The following PLAAT3 variants were observed in gnomAD, a reference collection of about 807,000 sequenced individuals.
PLAAT3 encodes phospholipase A and acyltransferase 3.
Under a neutral mutation model 16.7 loss-of-function variants are expected in PLAAT3, and 21 were observed. That is an observed-to-expected ratio of 1.26 (90% confidence interval 0.89 to 1.81). PLAAT3 has a LOEUF of 1.81. Ranked by LOEUF, PLAAT3 falls within the 40% of genes most tolerant of loss-of-function variation. PLAAT3 has a pLI of 0.00. For synonymous variants in PLAAT3, 76 were observed against 81.7 expected (o/e 0.93, Z 0.38); for missense variants, 219 against 213.7 (o/e 1.02, Z -0.16).
At chr11:63,576,276 A>C (rs2017658880) in intron 4 of PLAAT3, among the ~76,000 whole-genome samples, 1 of 152,134 alleles carries the variant, frequency 6.6e-6, no homozygotes, top group Admixed American at 6.5e-5. Context: ...ATCCAGTAGC[A>C]AACCCCCACT....
chr11:63,613,885 G>A (rs2134438601), intron 2 of PLAAT3, 115 bp downstream of exon 2: 4 of 690,658 alleles, frequency 5.8e-6, no homozygotes, highest in Non-Finnish European at 1.0e-5. Flanking sequence ...AGAGGTGCGG[G>A]CCCCACATCC....
At chr11:63,606,445 CA>C (rs1938564579) in intron 2 of PLAAT3, among the ~76,000 whole-genome samples, 4 of 151,886 alleles carry the variant, frequency 2.6e-5, no homozygotes, top group Non-Finnish European at 4.4e-5. Context: ...CACACACACA[CA>C]CACACACACA....
intron 4 of PLAAT3, among the ~76,000 whole-genome samples, chr11:63,586,866 T>C (rs1315015735): frequency 6.6e-6 from 1 of 152,222 alleles, no homozygotes; most frequent in Non-Finnish European, 1.5e-5. Context: ...GGCAGATCAC[T>C]TGCAGTCAGG....
intron 3 of PLAAT3, among the ~76,000 whole-genome samples, chr11:63,591,650 T>G (rs1938156323): frequency 6.6e-6 from 1 of 152,224 alleles, no homozygotes; most frequent in Admixed American, 6.5e-5. Flanking sequence ...CAATAAACCT[T>G]TTCAGCCTGC....
At chr11:63,612,746 ATT>A (rs891483160) in intron 2 of PLAAT3, among the ~76,000 whole-genome samples, 1 of 151,790 alleles carries the variant, frequency 6.6e-6, no homozygotes, top group Non-Finnish European at 1.5e-5. Flanking sequence ...CTACTAATCC[ATT>A]TTTTTTCCTG....
intron 2 of PLAAT3, among the ~76,000 whole-genome samples, chr11:63,606,658 A>G (rs1349607591): frequency 6.6e-6 from 1 of 152,124 alleles, no homozygotes; most frequent in East Asian, 1.9e-4. Flanking sequence ...GCCGGAGATG[A>G]GCCTTGCAGA....
rs550105416 is a variant in PLAAT3 at position 63,607,009 on chromosome 11, G to A, written c.15+6991C>T. On this transcript the variant is annotated intron_variant, in intron 2 of 4. Transcript: ENST00000415826. ...CAAGGAGGAGGCGGGAGCCTGCTAG[G>A]AGGCAACTGCAGAGAGGGGGGATCT... Among the ~76,000 whole-genome samples the A allele has an allele frequency of 1.5e-3, 223 of 152,272 alleles. 1 individual carries two copies. Among genetic ancestry groups the A allele is most frequent in the Non-Finnish European group, 2.8e-3 (192 of 68,016 alleles).
chr11:63,578,077 G>C (rs1263152536), intron 4 of PLAAT3, among the ~76,000 whole-genome samples: 3 of 152,162 alleles, frequency 2.0e-5, no homozygotes, highest in African/African-American at 7.2e-5. Flanking sequence ...GAGCTCAGGA[G>C]TTCGAGACCA....
At chr11:63,597,978 G>C (rs2134417848) in intron 3 of PLAAT3, 83 bp downstream of exon 3, 1 of 886,594 alleles carries the variant, frequency 1.1e-6, no homozygotes, top group East Asian at 2.4e-5. Flanking sequence ...AGAATGTTGG[G>C]GTCACCTGTT....
At chr11:63,580,302 G>T (rs1323355386) in intron 4 of PLAAT3, among the ~76,000 whole-genome samples, 2 of 152,186 alleles carry the variant, frequency 1.3e-5, no homozygotes, top group Non-Finnish European at 1.5e-5. Context: ...CATGCTACAT[G>T]GCAAGTGAGA....
chr11:63,615,166 A>ATG (rs1565259795), upstream of PLAAT3, among the ~76,000 whole-genome samples: 2 of 35,522 alleles, frequency 5.6e-5, no homozygotes, highest in Admixed American at 2.5e-4. Flanking sequence ...ATGTGTATAT[A>ATG]TGTGTGTATA....
At chr11:63,589,681 G>A (rs1297370567) in intron 4 of PLAAT3, among the ~76,000 whole-genome samples, 1 of 152,154 alleles carries the variant, frequency 6.6e-6, no homozygotes, top group African/African-American at 2.4e-5. Context: ...GGAAAAGACA[G>A]GTACCAGGTC....
At position 63,598,052 on chromosome 11, in the gene PLAAT3, T is replaced by C. The variant is rs1938336667; in HGVS notation, c.118+9A>G. 6.3e-7 allele frequency: 1 copy of C among 1,585,424 alleles called. No homozygotes were observed. The highest frequency in any genetic ancestry group is 8.7e-7 in the Non-Finnish European group (1 of 1,153,846). On this transcript the variant is annotated intron_variant, in intron 3 of 4. Transcript: ENST00000415826. ...GGCCCATCACAGTGGAGGTCCCATG[T>C]GTTCTTACTTGGAGGGGCCAGATGA...
At chr11:63,577,386 G>A (rs1001380263) in intron 4 of PLAAT3, among the ~76,000 whole-genome samples, 1 of 152,126 alleles carries the variant, frequency 6.6e-6, no homozygotes, top group African/African-American at 2.4e-5. Flanking sequence ...TGGCCAGGCT[G>A]CTCTCGAACT....
chr11:63,575,469 G>A (rs201826058), intron 4 of PLAAT3, among the ~76,000 whole-genome samples: 1 of 152,190 alleles, frequency 6.6e-6, no homozygotes, highest in Non-Finnish European at 1.5e-5. Flanking sequence ...CAAGGAACTC[G>A]GCTGTCTTGT....
At chr11:63,589,012 T>TA (rs1397992691) in intron 4 of PLAAT3, among the ~76,000 whole-genome samples, 84 of 145,212 alleles carry the variant, frequency 5.8e-4, no homozygotes, top group South Asian at 1.3e-3. Context: ...GAGGATAATT[T>TA]AAAAAAAAAA....
intron 4 of PLAAT3, among the ~76,000 whole-genome samples, chr11:63,580,422 G>A (rs1018834209): frequency 2.6e-4 from 40 of 152,332 alleles, no homozygotes; most frequent in African/African-American, 8.7e-4. Flanking sequence ...TTGGGAGGCC[G>A]AGGAGGGTGG....
Position 63,574,846 on chromosome 11 carries a change from T to C in PLAAT3, c.*99A>G. On this transcript the variant is annotated 3_prime_UTR_variant, in exon 5 of 5. Coordinates refer to ENST00000415826, the MANE Select transcript of PLAAT3 (RefSeq NM_001128203.2). Reference sequence around the variant, plus strand: ...TATTCTGTGAAAATAAGCCTTATTATAAATCACAATGAAATCCACAAACCA... The same window carrying C: ...TATTCTGTGAAAATAAGCCTTATTACAAATCACAATGAAATCCACAAACCA... 1 of 737,736 alleles carries C rather than the reference T, an allele frequency of 1.4e-6. No individual in the cohort carries two copies. The highest frequency in any genetic ancestry group is 2.4e-6 in the Non-Finnish European group (1 of 414,064). 45.7% of individuals were successfully genotyped at this position (737,736 alleles called of 1,614,324 possible).
At chr11:63,604,485 G>A (rs118046791) in intron 2 of PLAAT3, among the ~76,000 whole-genome samples, 3,829 of 152,070 alleles carry the variant, frequency 0.025, 71 homozygotes, top group Non-Finnish European at 0.038. Flanking sequence ...ATTCTAGGCC[G>A]GGCGCGGGGG....
Sources: allele counts gnomAD v4.1 joint callset (sites outside exome capture counted in the v4.1 genomes callset), GRCh38; gene constraint gnomAD v4.1.1; transcripts MANE v1.5; gene names NCBI Gene and HGNC (gene_info 2026-07-23, HGNC 2026-07-21).